Variants in ADCY3 observed in about 807,000 individuals in gnomAD.
ADCY3 encodes adenylate cyclase 3.
A neutral mutation model predicts 119.4 loss-of-function variants in ADCY3; 70 were observed. The ratio of observed to expected loss-of-function variants is 0.59; its 90% CI spans 0.48 to 0.72. The LOEUF is 0.72. Among genes scored for constraint, ADCY3 ranks in the 30% least tolerant of loss-of-function variants. ADCY3 has a pLI of 0.00. For missense variants in ADCY3, 1,238 were observed against 1,541.6 expected, an observed-to-expected ratio of 0.80 and a Z score of 3.30; for synonymous variants, 672 against 621.4, an observed-to-expected ratio of 1.08 and a Z score of -1.21.
intron 7 of ADCY3, among the ~76,000 whole-genome samples, chr2:24,839,574 G>C (rs1051733581): frequency 6.6e-6 from 1 of 152,194 alleles, no homozygotes; most frequent in Non-Finnish European, 1.5e-5. Flanking sequence ...AGCCCCCTTA[G>C]TGGGTAAAGG....
intron 3 of ADCY3, among the ~76,000 whole-genome samples, chr2:24,848,262 T>G (rs1473357903): frequency 6.6e-6 from 1 of 152,268 alleles, no homozygotes; most frequent in African/African-American, 2.4e-5. Flanking sequence ...CCACAAACAA[T>G]AGCATGAGCA....
At chr2:24,877,351 C>A (rs566459969) in intron 2 of ADCY3, among the ~76,000 whole-genome samples, 1 of 152,172 alleles carries the variant, frequency 6.6e-6, no homozygotes, top group Admixed American at 6.5e-5. Flanking sequence ...GTAAACATGA[C>A]CTTCTGGCCC....
chr2:24,895,910 CT>C (rs957084583), intron 2 of ADCY3, among the ~76,000 whole-genome samples: 1 of 152,148 alleles, frequency 6.6e-6, no homozygotes, highest in African/African-American at 2.4e-5. Context: ...CTGATCATTT[CT>C]TCTGCACTGT....
At chr2:24,888,978 T>C (rs1215026250) in intron 2 of ADCY3, among the ~76,000 whole-genome samples, 1 of 152,126 alleles carries the variant, frequency 6.6e-6, no homozygotes, top group African/African-American at 2.4e-5. Flanking sequence ...CACTGCACTC[T>C]AGCATGGGCG....
In ADCY3 at chr2:24,918,557, C is replaced by T. The variant is rs760195447; in HGVS notation, c.431G>A (p.Trp144Ter). ...VTRRVLPYVLWLLITAQIFSY... is the reference protein window; with the variant it reads ...VTRRVLPYVL ...GAAGATCTGGGCGGTTATGAGCAGC[C>T]ACAGCACGTAGGGCAGCACTCTGCG... The change falls in exon 2 of 22, where the codon TGG becomes TAG. Residue 144 changes from tryptophan (W) to a stop codon, truncating the protein, a stop_gained. Transcript: ENST00000679454. LOFTEE classifies it high-confidence loss of function. This position sits in a 1 kb window ranked among gnomAD's most constrained non-coding sequence, Gnocchi z 5.4. 1.9e-6 allele frequency: 3 copies of T among 1,614,088 alleles called. No individual in the cohort carries two copies. Among genetic ancestry groups the T allele is most frequent in the African/African-American group, 2.7e-5 (2 of 75,064 alleles).
In ADCY3 at chr2:24,899,873, C is replaced by G. The variant is rs1423957695; in HGVS notation, c.675+18440G>C. 6.6e-6 allele frequency among the ~76,000 whole-genome samples: 1 copy of G among 152,172 alleles called. No individual in the cohort carries two copies. The highest frequency in any genetic ancestry group is 1.5e-5 in the Non-Finnish European group (1 of 68,026). On this transcript the variant is annotated intron_variant, in intron 2 of 21. Transcript: ENST00000679454. The surrounding 1 kb of genome is among the most constrained non-coding windows in gnomAD (Gnocchi z 4.5). Reference sequence around the variant, plus strand: ...AGGGGAGCAAGGGAAGGAAGGAGGACTTTCACTTTTATTCTTTGTACTCCT... The same window carrying G: ...AGGGGAGCAAGGGAAGGAAGGAGGAGTTTCACTTTTATTCTTTGTACTCCT...
intron 3 of ADCY3, among the ~76,000 whole-genome samples, chr2:24,856,376 C>T (rs185044091): frequency 6.6e-6 from 1 of 152,352 alleles, no homozygotes; most frequent in East Asian, 1.9e-4. Context: ...TAACCCATCA[C>T]AGGCTGTGAG....
intron 3 of ADCY3, among the ~76,000 whole-genome samples, chr2:24,849,189 C>T (rs1375409676): frequency 1.3e-5 from 2 of 152,234 alleles, no homozygotes; most frequent in East Asian, 3.9e-4. Flanking sequence ...AGAGTTCTGT[C>T]CCTTCAGAAA....
At chr2:24,855,405 C>T (rs889251018) in intron 3 of ADCY3, among the ~76,000 whole-genome samples, 7 of 152,178 alleles carry the variant, frequency 4.6e-5, no homozygotes, top group Admixed American at 3.9e-4. Context: ...AACTCCCATT[C>T]CCAGAAACCG....
intron 3 of ADCY3, among the ~76,000 whole-genome samples, chr2:24,850,631 T>C (rs1032851821): frequency 3.3e-5 from 5 of 152,250 alleles, no homozygotes; most frequent in African/African-American, 9.6e-5. Context: ...GACCCATTAA[T>C]AGCTCTTCTG....
In ADCY3 at chr2:24,841,370, C is replaced by T. The variant is rs1344400288; in HGVS notation, c.1085G>A (p.Arg362Gln). 1 of 1,609,652 alleles carries T rather than the reference C, an allele frequency of 6.2e-7. No individual in the cohort carries two copies. Among genetic ancestry groups the T allele is most frequent in the Non-Finnish European group, 8.5e-7 (1 of 1,178,376 alleles). ...GTAGCAGTCGCCCAGGATCTTAATC[C>T]GCAGCTGGTGGTATTTCTGAAAGGG... ...DKLAAKYHQL[R>Q]IKILGDCYYC... Residue 362 changes from arginine to glutamine, a missense_variant, in exon 6 of 22, where the codon CGG becomes CAG. Around this residue, in one of 7 missense-constraint regions of ADCY3, gnomAD observed 283 missense variants for 437.2 expected, o/e 0.65. Transcript: ENST00000679454. The surrounding 1 kb of genome is among the most constrained non-coding windows in gnomAD (Gnocchi z 5.8).
rs1450999767 is a variant in ADCY3 at position 24,842,995 on chromosome 2, C to T, written c.826-611G>A. ...GCAAGAGAGAAGCAGGGGCCAAGGT[C>T]GGCCGGGGAGGAGGCATCAAGGAGG... On this transcript the variant is annotated intron_variant, in intron 3 of 21. Transcript: ENST00000679454. This position sits in a 1 kb window ranked among gnomAD's most constrained non-coding sequence, Gnocchi z 4.9. Among the ~76,000 whole-genome samples the T allele has an allele frequency of 1.3e-5, 2 of 152,170 alleles. No individual in the cohort carries two copies. The highest frequency in any genetic ancestry group is 2.1e-4 in the South Asian group (1 of 4,830).
intron 2 of ADCY3, among the ~76,000 whole-genome samples, chr2:24,890,141 T>C (rs1244424885): frequency 6.6e-6 from 1 of 152,232 alleles, no homozygotes; most frequent in Non-Finnish European, 1.5e-5. Context: ...AATTTTAAGA[T>C]GTTAAAACCA....
intron 15 of ADCY3, among the ~76,000 whole-genome samples, chr2:24,826,968 G>C (rs1668713284): frequency 6.6e-6 from 1 of 152,174 alleles, no homozygotes; most frequent in Admixed American, 6.5e-5. Context: ...TCTCACTAGG[G>C]TGTAACTGGC....
In ADCY3 at chr2:24,834,802, G is replaced by A. The variant is rs780804787; in HGVS notation, c.1797C>T (p.Ser599=). 29 of 1,613,242 alleles carry A rather than the reference G, an allele frequency of 1.8e-5. No individual in the cohort carries two copies. The highest frequency in any genetic ancestry group is 1.0e-4 in the Admixed American group (6 of 60,004). ...LLNEALLERE[S]AQVVKKRNTF... ...TTCCGGGTGGCGCTTACACTTGGGC[G>A]GACTCTCGCTCAAGCAGGGCCTCGT... The change falls in exon 10 of 22, where the codon TCC becomes TCT. Residue 599 remains serine, a synonymous_variant. Transcript: ENST00000679454. The surrounding 1 kb of genome is among the most constrained non-coding windows in gnomAD (Gnocchi z 4.2).
At chr2:24,823,170 G>T (rs767970710) in intron 18 of ADCY3, 39 bp downstream of exon 18, 1 of 1,591,198 alleles carries the variant, frequency 6.3e-7, no homozygotes, top group Admixed American at 1.8e-5. Flanking sequence ...GGAATGGGCC[G>T]GCTTCATGGC....
intron 21 of ADCY3, 38 bp downstream of exon 21, chr2:24,820,686 C>T (rs567345479): frequency 2.0e-5 from 32 of 1,612,188 alleles, no homozygotes; most frequent in Admixed American, 1.0e-4. Context: ...GTTCTCATGC[C>T]GAGTCTGAGC....
chr2:24,892,410 G>A (rs559654708), intron 2 of ADCY3, among the ~76,000 whole-genome samples: 29 of 152,198 alleles, frequency 1.9e-4, no homozygotes, highest in African/African-American at 5.3e-4. Context: ...CACCAAGTGG[G>A]CCCGGCTAAT....
rs2148530576 is a variant in ADCY3 at position 24,836,902 on chromosome 2, G to A, written c.1662+15C>T. 2 of 1,602,258 alleles carry A rather than the reference G, an allele frequency of 1.2e-6. No homozygotes were observed. The highest frequency in any genetic ancestry group is 1.1e-5 in the South Asian group (1 of 89,570). On this transcript the variant is annotated intron_variant, in intron 9 of 21. Transcript: ENST00000679454. ...CTGGCCCTCAGTGACCCCCTGCCCTGAGCCCTGCACATACCTGGGCATCCT... is the reference window on the plus strand; with the variant it reads ...CTGGCCCTCAGTGACCCCCTGCCCTAAGCCCTGCACATACCTGGGCATCCT...
Sources: gnomAD v4.1 joint callset for allele counts (sites outside exome capture counted in the v4.1 genomes callset) on GRCh38, gnomAD v4.1.1 for gene constraint, gnomAD v4.1.1 regional missense constraint, Gnocchi (gnomAD v3.1) non-coding constraint, MANE v1.5 for transcripts, NCBI Gene and HGNC (gene_info 2026-07-23, HGNC 2026-07-21) for gene names.